The following SLC39A9 variants were observed in gnomAD, a reference collection of about 807,000 sequenced individuals.
SLC39A9 encodes solute carrier family 39 member 9, also known as zinc transporter ZIP9.
Under a neutral mutation model 28.4 loss-of-function variants are expected in SLC39A9, and 14 were observed. The observed-to-expected ratio is 0.49, with a 90% CI of 0.33 to 0.77. SLC39A9 has a LOEUF of 0.77. Ranked by LOEUF, SLC39A9 falls within the 30% of genes least tolerant of loss-of-function variation. The probability of loss-of-function intolerance (pLI) is 0.02; values close to 1 mark genes in which losing one functional copy is unlikely to be tolerated. For missense variants in SLC39A9, 283 were observed against 381.1 expected, an observed-to-expected ratio of 0.74 and a Z score of 2.14; for synonymous variants, 119 against 149.6, an observed-to-expected ratio of 0.80 and a Z score of 1.49.
Position 69,460,527 on chromosome 14 carries a change from CAAAT to C in SLC39A9, c.*1940_*1943del. ...GATTCTCTCTGGAAACTGACTTTGTCAAATAAATAGCAGATTGTAGTGTCTGGTT... is the reference window on the plus strand; with the variant it reads ...GATTCTCTCTGGAAACTGACTTTGTCAAATAGCAGATTGTAGTGTCTGGTT... On this transcript the variant is annotated 3_prime_UTR_variant, in exon 7 of 7. Coordinates refer to ENST00000336643, the MANE Select transcript of SLC39A9 (RefSeq NM_018375.5). 1 of 985,268 alleles carries C rather than the reference CAAAT, an allele frequency of 1.0e-6. No individual in the cohort carries two copies. Among genetic ancestry groups the C allele is most frequent in the Non-Finnish European group, 1.2e-6 (1 of 829,880 alleles). The allele number at this position is 985,268 out of a possible 1,614,324, so 61.0% of individuals were successfully genotyped here. A position where few individuals can be genotyped will look rare whatever the true frequency, so the allele number is the denominator to read the frequency against.
Position 69,460,730 on chromosome 14 carries a change from T to G in SLC39A9, c.*2137T>G. 1 of 985,506 alleles carries G rather than the reference T, an allele frequency of 1.0e-6. No homozygotes were observed. The highest frequency in any genetic ancestry group is 1.2e-6 in the Non-Finnish European group (1 of 829,970). 61.0% of individuals were successfully genotyped at this position (985,506 alleles called of 1,614,324 possible). On this transcript the variant is annotated 3_prime_UTR_variant, in exon 7 of 7. Transcript: ENST00000336643. Reference sequence around the variant, plus strand: ...GATTGAACCATCTGACTTCCAAATTTGCCTTCCCCTCTGGACCTCACTATT... The same window carrying G: ...GATTGAACCATCTGACTTCCAAATTGGCCTTCCCCTCTGGACCTCACTATT...
chr14:69,442,616 A>G (rs576249195), intron 3 of SLC39A9, among the ~76,000 whole-genome samples: 1 of 152,352 alleles, frequency 6.6e-6, no homozygotes, highest in African/African-American at 2.4e-5. Context: ...AACATAGTAC[A>G]TAAGATCAAA....
At chr14:69,431,118 C>T (rs1358289148) in intron 2 of SLC39A9, among the ~76,000 whole-genome samples, 1 of 152,068 alleles carries the variant, frequency 6.6e-6, no homozygotes, top group Non-Finnish European at 1.5e-5. Context: ...CAGTGTATCT[C>T]TCCATTTATT....
intron 2 of SLC39A9, among the ~76,000 whole-genome samples, chr14:69,439,893 A>C (rs1196050987): frequency 1.3e-5 from 2 of 152,168 alleles, no homozygotes; most frequent in Admixed American, 6.5e-5. Flanking sequence ...TAAGCCAAAT[A>C]AACCTTAATA....
intron 1 of SLC39A9, among the ~76,000 whole-genome samples, chr14:69,411,256 T>G (rs1201643107): frequency 6.6e-6 from 1 of 152,060 alleles, no homozygotes; most frequent in Non-Finnish European, 1.5e-5. Flanking sequence ...TGGCTTGTCT[T>G]TAGGTGAACC....
chr14:69,398,448 A>C (rs1465586836), upstream of SLC39A9: 7 of 626,702 alleles, frequency 1.1e-5, no homozygotes, highest in Non-Finnish European at 2.0e-5. Context: ...TAAAGGCAAA[A>C]AGGTAAGGGA....
At chr14:69,412,345 C>T (rs1024753570) in intron 1 of SLC39A9, among the ~76,000 whole-genome samples, 13 of 150,892 alleles carry the variant, frequency 8.6e-5, no homozygotes, top group African/African-American at 2.7e-4. Flanking sequence ...GCCAAGATCA[C>T]GCCACTGCAC....
intron 2 of SLC39A9, among the ~76,000 whole-genome samples, chr14:69,424,840 A>G (rs912390052): frequency 6.6e-5 from 10 of 152,214 alleles, no homozygotes; most frequent in Non-Finnish European, 1.5e-4. Context: ...TGAAGGATTG[A>G]CACCACAGCT....
chr14:69,435,542 C>G (rs1248863414), intron 2 of SLC39A9, among the ~76,000 whole-genome samples: 1 of 152,172 alleles, frequency 6.6e-6, no homozygotes, highest in Non-Finnish European at 1.5e-5. Flanking sequence ...GAGAGATTAG[C>G]AAACTTTTTC....
rs192169983 is a variant in SLC39A9, at chr14:69,409,797, G to T, written c.96+10332G>T. Among the ~76,000 whole-genome samples the T allele has an allele frequency of 1.5e-3, 225 of 152,212 alleles. 4 individuals carry two copies. Among genetic ancestry groups the T allele is most frequent in the Middle Eastern group, 3.4e-3 (1 of 294 alleles). Reference sequence around the variant, plus strand: ...TGTATTTCAGATTATTTTTTTCAGGGATAGAATGATGGGGATAAAGGGCAT... The same window carrying T: ...TGTATTTCAGATTATTTTTTTCAGGTATAGAATGATGGGGATAAAGGGCAT... On this transcript the variant is annotated intron_variant, in intron 1 of 6. Coordinates refer to ENST00000336643, the MANE Select transcript of SLC39A9 (RefSeq NM_018375.5).
At chr14:69,414,191 T>A (rs2140260542) in intron 1 of SLC39A9, among the ~76,000 whole-genome samples, 1 of 152,232 alleles carries the variant, frequency 6.6e-6, no homozygotes, top group South Asian at 2.1e-4. Context: ...GGGACTACAG[T>A]TGTGCACCAT....
intron 1 of SLC39A9, among the ~76,000 whole-genome samples, chr14:69,415,139 A>T (rs746530390): frequency 1.3e-5 from 2 of 152,162 alleles, no homozygotes; most frequent in Non-Finnish European, 2.9e-5. Context: ...TTTTGTGGAC[A>T]TATGTTTTCA....
intron 1 of SLC39A9, among the ~76,000 whole-genome samples, chr14:69,410,812 G>C (rs1196909705): frequency 6.6e-6 from 1 of 151,966 alleles, no homozygotes; most frequent in Non-Finnish European, 1.5e-5. Flanking sequence ...TATGATAAGA[G>C]ATGTACCTTT....
At chr14:69,398,671 C>T (rs556170048), upstream of SLC39A9, 9 of 248,204 alleles carry the variant, frequency 3.6e-5, no homozygotes, top group Non-Finnish European at 6.4e-5. Context: ...GGTGGTTAGA[C>T]AATCCGGAAG....
At chr14:69,420,347 G>T (rs1883814836) in intron 1 of SLC39A9, among the ~76,000 whole-genome samples, 1 of 152,152 alleles carries the variant, frequency 6.6e-6, no homozygotes, top group Non-Finnish European at 1.5e-5. Context: ...CTGGCTTGTA[G>T]AGTTTCTGCT....
intron 2 of SLC39A9, 93 bp from the exon 3 acceptor site, chr14:69,441,976 A>G (rs1051970860): frequency 1.3e-6 from 2 of 1,498,912 alleles, no homozygotes; most frequent in African/African-American, 1.4e-5. Flanking sequence ...CAGTAAAGTA[A>G]GTAGAGCTTG....
intron 4 of SLC39A9, 106 bp downstream of exon 4, chr14:69,453,415 T>G (rs1885709002): frequency 1.3e-5 from 14 of 1,045,194 alleles, no homozygotes; most frequent in Non-Finnish European, 2.0e-5. Context: ...GGACTGGCCT[T>G]TGAGGAAAAG....
chr14:69,411,743 A>C (rs1047937044), intron 1 of SLC39A9, among the ~76,000 whole-genome samples: 2 of 152,178 alleles, frequency 1.3e-5, no homozygotes, highest in Non-Finnish European at 2.9e-5. Context: ...CTAGCGCTTA[A>C]AATAAATCAG....
intron 3 of SLC39A9, among the ~76,000 whole-genome samples, chr14:69,448,913 G>A (rs1416194911): frequency 5.9e-5 from 9 of 152,182 alleles, no homozygotes; most frequent in Admixed American, 1.3e-4. Context: ...TACAGAGAGC[G>A]TGAGTATAAA....
Sources: allele counts gnomAD v4.1 joint callset (sites outside exome capture counted in the v4.1 genomes callset), GRCh38; gene constraint gnomAD v4.1.1; transcripts MANE v1.5; gene names NCBI Gene and HGNC (gene_info 2026-07-23, HGNC 2026-07-21).